The following ATF7 variants were observed in gnomAD, a reference collection of about 807,000 sequenced individuals.
ATF7 encodes the protein cyclic AMP-dependent transcription factor ATF-7.
Under a neutral mutation model 50.4 loss-of-function variants are expected in ATF7, and 10 were observed. The observed-to-expected ratio is 0.20, with a 90% CI of 0.12 to 0.34. ATF7 has a LOEUF of 0.34. ATF7 is among the 10% of genes least tolerant of loss of function. The pLI is 1.00. For synonymous variants in ATF7, 201 were observed against 226.4 expected (o/e 0.89, Z 1.01); for missense variants, 465 against 613.9 (o/e 0.76, Z 2.56).
intron 2 of ATF7, among the ~76,000 whole-genome samples, chr12:53,570,563 T>G (rs2137619829): frequency 6.6e-6 from 1 of 152,164 alleles, no homozygotes. Context: ...AAACAGAACT[T>G]TATTATCTCT....
intron 9 of ATF7, among the ~76,000 whole-genome samples, chr12:53,528,433 G>A (rs1938621032): frequency 6.6e-6 from 1 of 152,096 alleles, no homozygotes; most frequent in Non-Finnish European, 1.5e-5. Context: ...TTTGAGACCA[G>A]CCTGGGCAAC....
intron 2 of ATF7, among the ~76,000 whole-genome samples, chr12:53,581,257 C>G (rs1942410605): frequency 6.6e-6 from 1 of 152,180 alleles, no homozygotes; most frequent in South Asian, 2.1e-4. Flanking sequence ...CAGTTGGAGA[C>G]TTTAACACCC....
At position 53,626,334 on chromosome 12, in the gene ATF7, C is replaced by G. The variant is rs1314329141; in HGVS notation, c.-77G>C. ...CCGCGCTCGGTCCTACAATCTGTCT[C>G]CAGCTCCTCCTTTCCCCCCTTGGCG... is the stretch of plus-strand genomic sequence containing the variant. On this transcript the variant is annotated 5_prime_UTR_variant, in exon 1 of 12. Transcript: ENST00000420353. 1.3e-5 allele frequency: 2 copies of G among 152,874 alleles called. No individual in the cohort carries two copies. Among genetic ancestry groups the G allele is most frequent in the Non-Finnish European group, 2.9e-5 (2 of 68,208 alleles). 9.5% of individuals were successfully genotyped at this position (152,874 alleles called of 1,614,324 possible). A position where few individuals can be genotyped will look rare whatever the true frequency, so the allele number is the denominator to read the frequency against.
chr12:53,610,684 T>C (rs926801488), intron 1 of ATF7, among the ~76,000 whole-genome samples: 1 of 152,150 alleles, frequency 6.6e-6, no homozygotes, highest in Admixed American at 6.5e-5. Flanking sequence ...ACAGGTACTG[T>C]TATATATGCT....
intron 2 of ATF7, among the ~76,000 whole-genome samples, chr12:53,583,981 T>C (rs533456749): frequency 1.3e-5 from 2 of 152,116 alleles, no homozygotes; most frequent in South Asian, 4.1e-4. Flanking sequence ...AGATAATTGT[T>C]ATTAGTATTA....
chr12:53,559,671 T>C (rs1592869667), intron 2 of ATF7, among the ~76,000 whole-genome samples: 1 of 108,572 alleles, frequency 9.2e-6, no homozygotes. Context: ...AGAGTGAGAC[T>C]CCATCTCAAA....
chr12:53,536,316 G>A (rs532198110), intron 5 of ATF7, among the ~76,000 whole-genome samples: 35 of 148,626 alleles, frequency 2.4e-4, no homozygotes, highest in African/African-American at 7.4e-4. Context: ...TTGCTCTGTC[G>A]CTCAGGCTGG....
At chr12:53,589,315 G>A (rs539445514) in intron 2 of ATF7, among the ~76,000 whole-genome samples, 6 of 152,270 alleles carry the variant, frequency 3.9e-5, no homozygotes, top group South Asian at 2.1e-4. Flanking sequence ...AAATATCCCT[G>A]TAAAGTACTT....
intron 9 of ATF7, among the ~76,000 whole-genome samples, chr12:53,525,222 G>T (rs1000066596): frequency 6.6e-6 from 1 of 152,128 alleles, no homozygotes; most frequent in Non-Finnish European, 1.5e-5. Flanking sequence ...GTATGGTGGC[G>T]TATGCCTGTA....
intron 2 of ATF7, among the ~76,000 whole-genome samples, chr12:53,582,665 G>A (rs747339275): frequency 1.3e-5 from 2 of 152,136 alleles, no homozygotes; most frequent in East Asian, 1.9e-4. Flanking sequence ...TGCAAGCTCC[G>A]CCTCCTGGGT....
intron 3 of ATF7, among the ~76,000 whole-genome samples, chr12:53,551,041 G>A (rs1016695370): frequency 1.3e-5 from 2 of 152,180 alleles, no homozygotes; most frequent in Non-Finnish European, 2.9e-5. Flanking sequence ...TTCATAGTTT[G>A]TAGTATTCAC....
chr12:53,601,522 A>G (rs1293999253), intron 1 of ATF7, among the ~76,000 whole-genome samples: 2 of 152,136 alleles, frequency 1.3e-5, no homozygotes, highest in Non-Finnish European at 2.9e-5. Context: ...ATCCCATATT[A>G]TTGCCAAAGA....
chr12:53,544,553 C>A (rs1157904864), intron 3 of ATF7, among the ~76,000 whole-genome samples: 2 of 152,050 alleles, frequency 1.3e-5, no homozygotes, highest in Non-Finnish European at 2.9e-5. Context: ...TTGAGACCAG[C>A]CTGGCCAACA....
At chr12:53,587,314 C>A (rs1592936428) in intron 2 of ATF7, among the ~76,000 whole-genome samples, 1 of 145,450 alleles carries the variant, frequency 6.9e-6, no homozygotes, top group African/African-American at 2.6e-5. Context: ...CTGCAGTTAG[C>A]CGAGTTTGTG....
At chr12:53,510,610 G>C (rs1388416123), downstream of ATF7, among the ~76,000 whole-genome samples, 1 of 152,198 alleles carries the variant, frequency 6.6e-6, no homozygotes, top group Non-Finnish European at 1.5e-5. Context: ...TTATCACTAG[G>C]TGAACAGTAA....
intron 2 of ATF7, among the ~76,000 whole-genome samples, chr12:53,596,409 C>T (rs1943158952): frequency 6.6e-6 from 1 of 152,184 alleles, no homozygotes. Flanking sequence ...GTAGTATCTC[C>T]TCAGAGGAAA....
intron 1 of ATF7, among the ~76,000 whole-genome samples, chr12:53,613,019 C>T (rs986803555): frequency 6.6e-6 from 1 of 151,852 alleles, no homozygotes; most frequent in Admixed American, 6.6e-5. Flanking sequence ...AAAAAAAAGG[C>T]AAGTGAGGCC....
chr12:53,591,997 G>A (rs1942961609), intron 2 of ATF7, among the ~76,000 whole-genome samples: 1 of 151,826 alleles, frequency 6.6e-6, no homozygotes, highest in Non-Finnish European at 1.5e-5. Context: ...TAAAGACAGA[G>A]CTATGTTTGC....
chr12:53,524,570 C>A lies in ATF7; in HGVS notation c.1119G>T (p.Gln373His). ...GCATCCAGGACCCACTCACACTCAG[C>A]TGAATGTTCTGAGAAGTGAGTTCTT... ...KAEELTSQNI[Q>H]LSNEVTLLRN... Residue 373 changes from glutamine (Q) to histidine (H), a missense_variant, in exon 10 of 12, where the codon CAG becomes CAT. By Grantham distance (24) the Gln-to-His change is conservative (BLOSUM62 0). Coordinates refer to ENST00000420353, the MANE Select transcript of ATF7 (RefSeq NM_006856.3). The surrounding 1 kb of genome is among the most constrained non-coding windows in gnomAD (Gnocchi z 4.6). The A allele has an allele frequency of 6.2e-7, 1 of 1,613,852 alleles. No individual in the cohort carries two copies. Among genetic ancestry groups the A allele is most frequent in the Non-Finnish European group, 8.5e-7 (1 of 1,179,894 alleles).
Sources: allele counts gnomAD v4.1 joint callset (sites outside exome capture counted in the v4.1 genomes callset), GRCh38; gene constraint gnomAD v4.1.1; non-coding constraint Gnocchi (gnomAD v3.1); transcripts MANE v1.5; gene names NCBI Gene and HGNC (gene_info 2026-07-23, HGNC 2026-07-21).